The following ARHGEF10 variants were observed in gnomAD, a reference collection of about 807,000 sequenced individuals.
ARHGEF10 encodes the protein Rho guanine nucleotide exchange factor (GEF) 10.
ARHGEF10 carries 140 observed loss-of-function variants against 147.4 expected under a neutral mutation model. The observed-to-expected ratio is 0.95, with a 90% CI of 0.83 to 1.09. The LOEUF is 1.09. Among genes scored for constraint, ARHGEF10 ranks in the 50% least tolerant of loss-of-function variants. The pLI is 0.00. For synonymous variants in ARHGEF10, 902 were observed against 695.8 expected, an observed-to-expected ratio of 1.30 and a Z score of -4.67; for missense variants, 2,222 against 1,752.7, an observed-to-expected ratio of 1.27 and a Z score of -4.78.
chr8:1,923,576 C>T lies in ARHGEF10; in HGVS notation c.2368C>T (p.Leu790Phe), dbSNP rs763662564. The T allele has an allele frequency of 6.2e-7, 1 of 1,614,118 alleles. No homozygotes were observed. Among genetic ancestry groups the T allele is most frequent in the Admixed American group, 1.7e-5 (1 of 60,028 alleles). The change falls in exon 20 of 29, where the codon CTT becomes TTT. Residue 790 changes from leucine (L) to phenylalanine (F), a missense_variant. Physicochemically the swap from Leu to Phe is conservative, Grantham distance 22 (BLOSUM62 0). Coordinates refer to ENST00000349830, the MANE Select transcript of ARHGEF10 (RefSeq NM_014629.4). ...GGACTGCTGCAGAATTCAGTTACAG[C>T]TTCCCGGGAAGCAGGACAAGTTAGT... ...AADCCRIQLQ[L>F]PGKQDKSGRP...
At chr8:1,924,593 A>T (rs1345135040) in intron 21 of ARHGEF10, among the ~76,000 whole-genome samples, 1 of 152,196 alleles carries the variant, frequency 6.6e-6, no homozygotes, top group Non-Finnish European at 1.5e-5. Context: ...TGATTAGTGG[A>T]AGGGCTTTGT....
chr8:1,917,543 C>T (rs1257139954), intron 18 of ARHGEF10, among the ~76,000 whole-genome samples: 1 of 152,162 alleles, frequency 6.6e-6, no homozygotes, highest in African/African-American at 2.4e-5. Context: ...TTCTGTTTCA[C>T]TGACAGACCC....
At chr8:1,860,498 C>T (rs979538337) in intron 4 of ARHGEF10, among the ~76,000 whole-genome samples, 3 of 151,974 alleles carry the variant, frequency 2.0e-5, no homozygotes, top group South Asian at 2.1e-4. Flanking sequence ...CCTGTGGTTC[C>T]GTAGAGTCCG....
chr8:1,863,395 C>T (rs905660919), intron 4 of ARHGEF10, among the ~76,000 whole-genome samples: 1 of 152,214 alleles, frequency 6.6e-6, no homozygotes, highest in Admixed American at 6.5e-5. Flanking sequence ...CAGCTGTCTC[C>T]GACTTTGAGC....
At chr8:1,901,523 C>G (rs112102885) in intron 15 of ARHGEF10, among the ~76,000 whole-genome samples, 16 of 152,350 alleles carry the variant, frequency 1.1e-4, no homozygotes, top group Admixed American at 3.3e-4. Context: ...ATCCCAGCTA[C>G]CTATTTCTCT....
Position 1,937,385 on chromosome 8 carries a change from A to G in ARHGEF10, c.3222+3443A>G, listed in dbSNP as rs556501102. Among the ~76,000 whole-genome samples, 1 of 152,146 alleles carries G rather than the reference A, an allele frequency of 6.6e-6. No homozygotes were observed. Among genetic ancestry groups the G allele is most frequent in the African/African-American group, 2.4e-5 (1 of 41,436 alleles). On this transcript the variant is annotated intron_variant, in intron 26 of 28. Transcript: ENST00000349830. The surrounding 1 kb of genome is among the most constrained non-coding windows in gnomAD (Gnocchi z 4.9). ...ATTTACAGAGGGAGCTCAGCCATAT[A>G]GTATACGGTGATCTTGGATCAGCCG...
At chr8:1,945,914 C>T (rs1321669959) in intron 27 of ARHGEF10, 2 of 614,282 alleles carry the variant, frequency 3.3e-6, no homozygotes, top group Admixed American at 2.8e-5. Context: ...TGGGAGGAGC[C>T]GCGTGGCAGT....
At chr8:1,836,864 C>T (rs570878987) in intron 1 of ARHGEF10, among the ~76,000 whole-genome samples, 21 of 152,268 alleles carry the variant, frequency 1.4e-4, no homozygotes, top group South Asian at 8.3e-4. Context: ...ATAAGTCTCA[C>T]GAGATCTGAT....
intron 11 of ARHGEF10, among the ~76,000 whole-genome samples, chr8:1,890,405 GGGTTGTGAGAAGACACTGAATGGGTTGA>G (rs1427372462): frequency 1.3e-5 from 2 of 150,450 alleles, no homozygotes; most frequent in African/African-American, 2.5e-5. Flanking sequence ...AATTGGGTGA[GGGTTGTGAGAAGACACTGAATGGGTTGA>G]GGTTGTGAGG....
rs1807750179 is a variant in ARHGEF10, at chr8:1,876,806, G to A, written c.843+72G>A. The stretch of plus-strand genomic sequence containing the variant: ...CGGACAGGGGGCTGTGAATATGATT[G>A]TGATCCACCTAGTACTTCATAGTGA... On this transcript the variant is annotated intron_variant, in intron 8 of 28. Transcript: ENST00000349830. 7 of 1,508,804 alleles carry A rather than the reference G, an allele frequency of 4.6e-6. No individual in the cohort carries two copies. The South Asian group carries it at 7.9e-5, about 17-fold the overall frequency. The allele number at this position is 1,508,804 out of a possible 1,614,324, so 93.5% of individuals were successfully genotyped here. A position where few individuals can be genotyped will look rare whatever the true frequency, so the allele number is the denominator to read the frequency against.
chr8:1,945,279 A>G (rs1296419440), intron 26 of ARHGEF10, among the ~76,000 whole-genome samples: 1 of 152,218 alleles, frequency 6.6e-6, no homozygotes, highest in Non-Finnish European at 1.5e-5. Flanking sequence ...TTCTGGGCTC[A>G]CAAAGGAGCC....
At chr8:1,934,721 C>T (rs749525305) in intron 26 of ARHGEF10, among the ~76,000 whole-genome samples, 17 of 152,092 alleles carry the variant, frequency 1.1e-4, no homozygotes, top group African/African-American at 3.6e-4. Flanking sequence ...ACCATGAAGA[C>T]GAAACTATAA....
At chr8:1,951,526 G>A (rs1382923368) in intron 27 of ARHGEF10, among the ~76,000 whole-genome samples, 2 of 152,198 alleles carry the variant, frequency 1.3e-5, no homozygotes, top group African/African-American at 2.4e-5. Flanking sequence ...GGGGGAGGCT[G>A]TTTGACCTCT....
chr8:1,896,285 G>A (rs1809963276), intron 13 of ARHGEF10, 48 bp from the exon 14 acceptor site: 1 of 1,287,494 alleles, frequency 7.8e-7, no homozygotes, highest in Non-Finnish European at 1.1e-6. Flanking sequence ...TTGGAAAAGG[G>A]ATATCTGGAC....
chr8:1,922,989 A>G lies in ARHGEF10; in HGVS notation c.2169A>G (p.Gln723=). The change falls in exon 19 of 29, where the codon CAA becomes CAG. Residue 723 remains glutamine, a synonymous_variant. Transcript: ENST00000349830. ...ACAAAGTTTACATGGGGCCAGGACA[A>G]CTGTATCAAGATTTACAAAACTTGT... is the stretch of plus-strand genomic sequence containing the variant. ...KPNKVYMGPG[Q]LYQDLQNLLH... is the part of the protein sequence containing the mutation. The G allele has an allele frequency of 6.2e-7, 1 of 1,613,440 alleles. No homozygotes were observed.
Position 1,882,647 on chromosome 8 carries a change from G to C in ARHGEF10, c.973G>C (p.Val325Leu). ...CTCTCCGTCGCAGATGCAGAAGCTC[G>C]TGAAGGCCGCGAAGGACGGCACCAA... is the stretch of plus-strand genomic sequence containing the variant. Reference protein sequence around the residue: ...QKHELKMQKLVKAAKDGTKDG... With the variant: ...QKHELKMQKLLKAAKDGTKDG... The change falls in exon 10 of 29, where the codon GTG becomes CTG. Residue 325 changes from valine (V) to leucine (L), a missense_variant. Coordinates refer to ENST00000349830, the MANE Select transcript of ARHGEF10 (RefSeq NM_014629.4). 1 of 1,553,950 alleles carries C rather than the reference G, an allele frequency of 6.4e-7. No homozygotes were observed. Among genetic ancestry groups the C allele is most frequent in the African/African-American group, 1.4e-5 (1 of 73,432 alleles).
At chr8:1,865,476 G>A (rs531701892) in intron 5 of ARHGEF10, among the ~76,000 whole-genome samples, 3 of 148,688 alleles carry the variant, frequency 2.0e-5, no homozygotes, top group East Asian at 4.0e-4. Flanking sequence ...CAGCACCCAG[G>A]GGGCCATCAC....
Position 1,957,325 on chromosome 8 carries a change from A to G in ARHGEF10, c.*62A>G, listed in dbSNP as rs1440193125. 5 of 1,569,374 alleles carry G rather than the reference A, an allele frequency of 3.2e-6. No homozygotes were observed. In the African/African-American group the frequency reaches 6.7e-5, roughly 21 times the overall value. Reference sequence around the variant, plus strand: ...CAAGGGTGACTTCTCAGCTAATCCTACAGCCTGAGTGGTTAAGCTGTGTCT... The same window carrying G: ...CAAGGGTGACTTCTCAGCTAATCCTGCAGCCTGAGTGGTTAAGCTGTGTCT... On this transcript the variant is annotated 3_prime_UTR_variant, in exon 29 of 29. Coordinates refer to ENST00000349830, the MANE Select transcript of ARHGEF10 (RefSeq NM_014629.4).
intron 21 of ARHGEF10, among the ~76,000 whole-genome samples, chr8:1,924,557 G>C (rs1173182973): frequency 6.6e-6 from 1 of 152,192 alleles, no homozygotes; most frequent in Non-Finnish European, 1.5e-5. Flanking sequence ...GCAGAGCGTG[G>C]GTAACGCCAT....
Sources: gnomAD v4.1 joint callset for allele counts (sites outside exome capture counted in the v4.1 genomes callset) on GRCh38, gnomAD v4.1.1 for gene constraint, Gnocchi (gnomAD v3.1) non-coding constraint, MANE v1.5 for transcripts, NCBI Gene and HGNC (gene_info 2026-07-23, HGNC 2026-07-21) for gene names.